MYH10: variants seen among roughly 807,000 people sequenced by gnomAD.
The protein encoded by MYH10 is myosin-10.
Under a neutral mutation model 257.8 loss-of-function variants are expected in MYH10, and 55 were observed. The ratio of observed to expected loss-of-function variants is 0.21; its 90% CI spans 0.17 to 0.27. The LOEUF is 0.27. Among genes scored for constraint, MYH10 ranks in the 10% least tolerant of loss-of-function variants. The pLI, the probability that MYH10 is intolerant of heterozygous loss-of-function variation, is 1.00. For synonymous variants in MYH10, 854 were observed against 921.7 expected, an observed-to-expected ratio of 0.93 and a Z score of 1.33; for missense variants, 1,631 against 2,500.6, an observed-to-expected ratio of 0.65 and a Z score of 7.42.
intron 28 of MYH10, among the ~76,000 whole-genome samples, chr17:8,503,794 C>T (rs1330761229): frequency 6.6e-6 from 1 of 152,212 alleles, no homozygotes; most frequent in Non-Finnish European, 1.5e-5. Context: ...GGGTGATGGG[C>T]TATCCTTTCC....
intron 9 of MYH10, among the ~76,000 whole-genome samples, chr17:8,550,126 G>A (rs2082578317): frequency 6.6e-6 from 1 of 150,748 alleles, no homozygotes; most frequent in Admixed American, 6.6e-5. Flanking sequence ...TGGGAAGTGA[G>A]GAGCGTCTCT....
intron 3 of MYH10, among the ~76,000 whole-genome samples, chr17:8,604,157 G>C (rs1010386485): frequency 1.3e-5 from 2 of 152,148 alleles, no homozygotes; most frequent in Non-Finnish European, 2.9e-5. Context: ...AAAAAGGAGA[G>C]AGAGGGAGAG....
In MYH10 at chr17:8,475,824, G is replaced by A. The variant is rs757333170; in HGVS notation, c.6004C>T (p.Gln2002Ter). Reference sequence around the variant, plus strand: ...CAACTTTACTCTGACTGGGGTGGCTGCGTCTCGTTGACATCACTGGTCTTA... The same window carrying A: ...CAACTTTACTCTGACTGGGGTGGCTACGTCTCGTTGACATCACTGGTCTTA... Reference protein sequence around the residue: ...ESKTSDVNETQPPQSE With the variant: ...ESKTSDVNET The change falls in exon 43 of 43, where the codon CAG becomes TAG. Residue 2002 changes from glutamine to a stop codon, truncating the protein, a stop_gained. Transcript: ENST00000360416. LOFTEE classifies it high-confidence loss of function. 5.0e-6 allele frequency: 8 copies of A among 1,614,166 alleles called. No individual in the cohort carries two copies. Among genetic ancestry groups the A allele is most frequent in the Non-Finnish European group, 5.9e-6 (7 of 1,180,016 alleles).
chr17:8,511,607 A>G (rs1272288209), intron 24 of MYH10, among the ~76,000 whole-genome samples: 2 of 152,258 alleles, frequency 1.3e-5, no homozygotes, highest in African/African-American at 4.8e-5. Flanking sequence ...CAACTTAAGG[A>G]AATGTTCAAG....
intron 30 of MYH10, among the ~76,000 whole-genome samples, chr17:8,498,724 T>C (rs1300590475): frequency 6.6e-6 from 1 of 152,012 alleles, no homozygotes; most frequent in East Asian, 1.9e-4. Context: ...GGCGGGTGCC[T>C]GTAGTCCCAG....
rs533058946 is a variant in MYH10, at chr17:8,531,543, T to A, written c.1895-858A>T. ...TCTAAAACTCTAACACAAACTCTACTTTTTTTCTTTTTCTTTTTTTTTTTT... is the reference window on the plus strand; with the variant it reads ...TCTAAAACTCTAACACAAACTCTACATTTTTTCTTTTTCTTTTTTTTTTTT... On this transcript the variant is annotated intron_variant, in intron 16 of 42. Coordinates refer to ENST00000360416, the MANE Select transcript of MYH10 (RefSeq NM_001256012.3). Among the ~76,000 whole-genome samples the A allele has an allele frequency of 4.7e-4, 65 of 138,312 alleles. 1 individual carries two copies. The highest frequency in any genetic ancestry group is 1.6e-3 in the African/African-American group (61 of 38,980). 90.7% of individuals were successfully genotyped at this position (138,312 alleles called of 152,430 possible).
intron 3 of MYH10, among the ~76,000 whole-genome samples, chr17:8,592,808 T>C (rs1329230423): frequency 1.6e-4 from 2 of 12,764 alleles, no homozygotes; most frequent in African/African-American, 2.6e-4. Flanking sequence ...ACCCTGATAA[T>C]GAAATCAGAA....
In MYH10 at chr17:8,534,956, T is replaced by G. The variant is rs79855596; in HGVS notation, c.1894+431A>C. 6.9e-3 allele frequency among the ~76,000 whole-genome samples: 1,047 copies of G among 152,248 alleles called. 17 individuals are homozygous for G. Among genetic ancestry groups the G allele is most frequent in the East Asian group, 0.06 (312 of 5,180 alleles). ...TTGATCTGTATGCAGGCAATTTGAG[T>G]TTATCCACCAGCCACTGGGTGTCGC... On this transcript the variant is annotated intron_variant, in intron 16 of 42. Transcript: ENST00000360416.
intron 7 of MYH10, among the ~76,000 whole-genome samples, chr17:8,565,993 A>G (rs551707497): frequency 3.9e-5 from 6 of 152,292 alleles, no homozygotes; most frequent in African/African-American, 7.2e-5. Flanking sequence ...CGATCTTAGC[A>G]TAACTGGTAT....
chr17:8,492,696 G>A (rs953249905), intron 33 of MYH10, 80 bp downstream of exon 33: 1 of 1,350,658 alleles, frequency 7.4e-7, no homozygotes, highest in African/African-American at 1.6e-5. Flanking sequence ...ACATTTAAAT[G>A]CCTTTAAATA....
chr17:8,590,127 C>G (rs537230735), intron 3 of MYH10, among the ~76,000 whole-genome samples: 1 of 152,126 alleles, frequency 6.6e-6, no homozygotes. Flanking sequence ...TGGATGCCTC[C>G]GGTGCCTAAG....
chr17:8,560,230 GT>G (rs748283643), intron 7 of MYH10, among the ~76,000 whole-genome samples: 99 of 151,940 alleles, frequency 6.5e-4, no homozygotes, highest in Non-Finnish European at 1.0e-3. Flanking sequence ...TAAATTAGAA[GT>G]TTGAAATTCA....
At chr17:8,577,161 A>T (rs1406292580) in intron 5 of MYH10, 75 bp downstream of exon 5, 1 of 1,200,402 alleles carries the variant, frequency 8.3e-7, no homozygotes. Flanking sequence ...TGGAGAGTAG[A>T]CTGGCTTCCT....
At chr17:8,483,303 C>T (rs946539910) in intron 37 of MYH10, among the ~76,000 whole-genome samples, 1 of 151,894 alleles carries the variant, frequency 6.6e-6, no homozygotes, top group Non-Finnish European at 1.5e-5. Flanking sequence ...CTCAAGAAGT[C>T]AGAAAAAAAA....
chr17:8,587,285 G>A (rs568741660), intron 4 of MYH10, among the ~76,000 whole-genome samples: 2 of 152,268 alleles, frequency 1.3e-5, no homozygotes, highest in East Asian at 1.9e-4. Flanking sequence ...CTGTAGAACC[G>A]TGCTGATTTG....
At chr17:8,478,267 T>A (rs1012113276) in intron 41 of MYH10, 71 bp downstream of exon 41, 1 of 1,319,602 alleles carries the variant, frequency 7.6e-7, no homozygotes, top group Non-Finnish European at 1.1e-6. Flanking sequence ...CACTGGTCAG[T>A]TGTGCCACCA....
In MYH10 at chr17:8,535,835, C is replaced by G. The variant is rs749991148; in HGVS notation, c.1702G>C (p.Gly568Arg). The change falls in exon 15 of 43, where the codon GGT becomes CGT. Residue 568 changes from glycine (G) to arginine (R), a missense_variant. Physicochemically the swap from Gly to Arg is moderately radical, Grantham distance 125. Around this residue, in one of 11 missense-constraint regions of MYH10, gnomAD observed 63 missense variants for 167.9 expected, o/e 0.38. Transcript: ENST00000360416. The surrounding 1 kb of genome is among the most constrained non-coding windows in gnomAD (Gnocchi z 4.3). ...TFVEKLVQEQ[G>R]SHSKFQKPRQ... ...GGTTTCTGAAACTTGGAGTGGGAAC[C>G]TTGCTCTTGAACCAGTTTTTCAACA... 29 of 1,613,964 alleles carry G rather than the reference C, an allele frequency of 1.8e-5. No individual in the cohort carries two copies. The African/African-American group carries it at 3.6e-4, about 20-fold the overall frequency.
At chr17:8,571,672 C>T (rs1390753439) in intron 6 of MYH10, among the ~76,000 whole-genome samples, 1 of 151,782 alleles carries the variant, frequency 6.6e-6, no homozygotes, top group African/African-American at 2.4e-5. Flanking sequence ...GCAGGAGAAT[C>T]GCTTGAACCG....
chr17:8,599,313 T>C (rs572090285), intron 3 of MYH10, among the ~76,000 whole-genome samples: 1 of 152,356 alleles, frequency 6.6e-6, no homozygotes, highest in African/African-American at 2.4e-5. Flanking sequence ...GCTTGCTAAG[T>C]TGTATTAAAT....
Sources: allele counts gnomAD v4.1 joint callset (sites outside exome capture counted in the v4.1 genomes callset), GRCh38; gene constraint gnomAD v4.1.1; regional missense constraint gnomAD v4.1.1; non-coding constraint Gnocchi (gnomAD v3.1); transcripts MANE v1.5; gene names NCBI Gene and HGNC (gene_info 2026-07-23, HGNC 2026-07-21).